The following GABPB1 variants were observed in gnomAD, a reference collection of about 807,000 sequenced individuals.
The protein encoded by GABPB1 is GA-binding protein subunit beta-1.
A neutral mutation model predicts 45.9 loss-of-function variants in GABPB1; 15 were observed. The observed-to-expected ratio is 0.33, with a 90% CI of 0.22 to 0.50. The LOEUF (loss-of-function observed/expected upper bound fraction) is 0.50, where lower values mean the gene tolerates loss of function less well. GABPB1 is among the 20% of genes least tolerant of loss of function. GABPB1 has a pLI of 0.98. For missense variants in GABPB1, 252 were observed against 457.5 expected (o/e 0.55, Z 4.10); for synonymous variants, 143 against 154.4 (o/e 0.93, Z 0.55).
intron 6 of GABPB1, among the ~76,000 whole-genome samples, chr15:50,293,355 C>T (rs1254686128): frequency 1.3e-5 from 2 of 152,150 alleles, no homozygotes; most frequent in Non-Finnish European, 2.9e-5. Flanking sequence ...AACTCTGTTA[C>T]TGTGTTACTT....
chr15:50,287,192 T>G (rs1370696407), intron 7 of GABPB1, among the ~76,000 whole-genome samples: 1 of 152,196 alleles, frequency 6.6e-6, no homozygotes, highest in Non-Finnish European at 1.5e-5. Context: ...CTATATATTT[T>G]TAATTCAGGA....
chr15:50,293,225 A>T (rs897882239), intron 6 of GABPB1, among the ~76,000 whole-genome samples: 4 of 152,216 alleles, frequency 2.6e-5, no homozygotes, highest in African/African-American at 9.6e-5. Flanking sequence ...CATCATGGAT[A>T]TCAGTGATCA....
At chr15:50,319,244 T>C (rs2047465616) in intron 1 of GABPB1, among the ~76,000 whole-genome samples, 1 of 152,144 alleles carries the variant, frequency 6.6e-6, no homozygotes, top group Non-Finnish European at 1.5e-5. Flanking sequence ...TTTTACTTTT[T>C]CAACTATGTG....
intron 1 of GABPB1, among the ~76,000 whole-genome samples, chr15:50,346,881 C>G (rs965699778): frequency 5.3e-5 from 8 of 151,680 alleles, no homozygotes; most frequent in Admixed American, 2.6e-4. Context: ...TCCGCCCCCC[C>G]CAGGTTCAAG....
intron 1 of GABPB1, chr15:50,351,856 T>C (rs1199801886): frequency 6.6e-6 from 1 of 152,186 alleles, no homozygotes; most frequent in African/African-American, 2.4e-5. Flanking sequence ...GGAACAAACA[T>C]CTTCAGAAAA....
chr15:50,344,497 A>G (rs2048491912), intron 1 of GABPB1, among the ~76,000 whole-genome samples: 1 of 152,202 alleles, frequency 6.6e-6, no homozygotes, highest in Non-Finnish European at 1.5e-5. Context: ...GGAAAATCTA[A>G]AGTTTAAAGG....
At position 50,334,345 on chromosome 15, in the gene GABPB1, A is replaced by G. The variant is rs149803331; in HGVS notation, c.-1+20640T>C. On this transcript the variant is annotated intron_variant, in intron 1 of 8. Coordinates refer to ENST00000380877, the MANE Select transcript of GABPB1 (RefSeq NM_016654.5). Reference sequence around the variant, plus strand: ...CCCCATATCTCTTACACTGTCTTCTATATTTCCCAACTTTTTGCCTCTAGC... The same window carrying G: ...CCCCATATCTCTTACACTGTCTTCTGTATTTCCCAACTTTTTGCCTCTAGC... Among the ~76,000 whole-genome samples the G allele has an allele frequency of 8.2e-3, 1,246 of 152,152 alleles. 70 individuals carry two copies. Among genetic ancestry groups the G allele is most frequent in the Admixed American group, 0.076 (1,160 of 15,246 alleles).
chr15:50,306,861 T>C (rs2046967659), intron 2 of GABPB1, among the ~76,000 whole-genome samples: 1 of 151,854 alleles, frequency 6.6e-6, no homozygotes, highest in South Asian at 2.1e-4. Flanking sequence ...ACTGTATTCA[T>C]GAGATTCACC....
At chr15:50,297,637 C>A (rs2046569133) in intron 6 of GABPB1, among the ~76,000 whole-genome samples, 1 of 152,204 alleles carries the variant, frequency 6.6e-6, no homozygotes, top group Non-Finnish European at 1.5e-5. Flanking sequence ...AAGTTCGAGG[C>A]CAGCCTGGCC....
chr15:50,345,290 T>C (rs1022742960), intron 1 of GABPB1, among the ~76,000 whole-genome samples: 1 of 152,242 alleles, frequency 6.6e-6, no homozygotes, highest in African/African-American at 2.4e-5. Context: ...AGATGTCCTC[T>C]GAAGCGACAA....
At chr15:50,319,366 A>G (rs932980909) in intron 1 of GABPB1, among the ~76,000 whole-genome samples, 4 of 152,144 alleles carry the variant, frequency 2.6e-5, no homozygotes, top group Non-Finnish European at 4.4e-5. Context: ...TGGGCTTTCA[A>G]TGTGTCCATC....
intron 1 of GABPB1, among the ~76,000 whole-genome samples, chr15:50,320,816 A>G (rs2047543556): frequency 6.6e-6 from 1 of 152,128 alleles, no homozygotes; most frequent in Non-Finnish European, 1.5e-5. Flanking sequence ...AGAATGAGAG[A>G]GATTTGAAGA....
At chr15:50,307,663 T>C (rs929088289) in intron 2 of GABPB1, among the ~76,000 whole-genome samples, 1 of 150,652 alleles carries the variant, frequency 6.6e-6, no homozygotes, top group East Asian at 1.9e-4. Flanking sequence ...GACTGAACCA[T>C]TGCACTCCAG....
At chr15:50,295,863 ACCT>A (rs879534733) in intron 6 of GABPB1, among the ~76,000 whole-genome samples, 9 of 138,092 alleles carry the variant, frequency 6.5e-5, no homozygotes, top group Non-Finnish European at 1.5e-4. Context: ...AGCACTGACA[ACCT>A]GCTGTTATAT....
chr15:50,281,978 A>T (rs2045991862), intron 8 of GABPB1, among the ~76,000 whole-genome samples: 1 of 152,064 alleles, frequency 6.6e-6, no homozygotes, highest in South Asian at 2.1e-4. Flanking sequence ...AGTCTCCCAA[A>T]GTGCTGGGAT....
intron 1 of GABPB1, chr15:50,354,262 C>G (rs1477108141): frequency 1.1e-5 from 4 of 370,028 alleles, no homozygotes; most frequent in Non-Finnish European, 2.1e-5. Flanking sequence ...GCGGCGAAGT[C>G]TTTGGGGCAG....
At chr15:50,308,566 A>T (rs1039647560) in intron 2 of GABPB1, among the ~76,000 whole-genome samples, 6 of 152,176 alleles carry the variant, frequency 3.9e-5, no homozygotes, top group African/African-American at 1.4e-4. Flanking sequence ...GAATTATGAG[A>T]TAAGATCTCC....
chr15:50,294,967 C>A (rs1448089931), intron 6 of GABPB1, among the ~76,000 whole-genome samples: 1 of 152,012 alleles, frequency 6.6e-6, no homozygotes, highest in East Asian at 1.9e-4. Flanking sequence ...AGTTGTACCA[C>A]AAGGAAGAAT....
At chr15:50,342,999 A>G (rs1178411769) in intron 1 of GABPB1, among the ~76,000 whole-genome samples, 1 of 151,990 alleles carries the variant, frequency 6.6e-6, no homozygotes, top group Admixed American at 6.6e-5. Flanking sequence ...TCCCGGGTTC[A>G]CGCCATTCTC....
Sources: allele counts gnomAD v4.1 joint callset (sites outside exome capture counted in the v4.1 genomes callset), GRCh38; gene constraint gnomAD v4.1.1; transcripts MANE v1.5; gene names NCBI Gene and HGNC (gene_info 2026-07-23, HGNC 2026-07-21).